Variants in NISCH observed in about 807,000 individuals in gnomAD.
NISCH encodes I-1 receptor candidate protein.
NISCH carries 55 observed loss-of-function variants against 138.4 expected under a neutral mutation model. That is an observed-to-expected ratio of 0.40 (90% CI 0.32 to 0.50). The LOEUF is 0.50. NISCH is among the 20% of genes least tolerant of loss of function. The pLI, the probability that NISCH is intolerant of heterozygous loss-of-function variation, is 0.71. For missense variants in NISCH, 1,643 were observed against 2,005.5 expected, an observed-to-expected ratio of 0.82 and a Z score of 3.45; for synonymous variants, 860 against 861.5, an observed-to-expected ratio of 1.00 and a Z score of 0.03.
In NISCH at chr3:52,485,761, GTTTC is replaced by G. The variant is rs768133208; in HGVS notation, c.1654-11_1654-8del. On this transcript the variant is annotated splice_polypyrimidine_tract_variant and intron_variant, in intron 14 of 20. Coordinates refer to ENST00000345716, the MANE Select transcript of NISCH (RefSeq NM_007184.4). ...GCTGCAGTAGGTGGGGACTGACTGT[GTTTC>G]TTTCTCCATCAGGCAGCTTCCGATG... The G allele has an allele frequency of 3.8e-6, 6 of 1,571,832 alleles. No individual in the cohort carries two copies. In the Admixed American group the frequency reaches 7.4e-5, roughly 19 times the overall value.
chr3:52,480,942 G>A (rs992225804), intron 13 of NISCH: 8 of 1,527,336 alleles, frequency 5.2e-6, no homozygotes, highest in African/African-American at 2.7e-5. Flanking sequence ...CGGCCCCCAC[G>A]GAAGAGGGGA....
At chr3:52,489,276 A>C in intron 16 of NISCH, 60 bp from the exon 17 acceptor site, 1 of 1,563,182 alleles carries the variant, frequency 6.4e-7, no homozygotes, top group Non-Finnish European at 8.7e-7. Context: ...GAAGCTGCAC[A>C]TGCGATGTGA....
chr3:52,491,327 C>A (rs749692107), intron 19 of NISCH, 25 bp from the exon 20 acceptor site: 1 of 1,598,890 alleles, frequency 6.3e-7, no homozygotes, highest in African/African-American at 1.3e-5. Context: ...CGGCCTGTGG[C>A]CCTGACCAGC....
intron 7 of NISCH, among the ~76,000 whole-genome samples, chr3:52,474,260 C>G (rs1250338874): frequency 6.6e-6 from 1 of 151,804 alleles, no homozygotes; most frequent in Non-Finnish European, 1.5e-5. Flanking sequence ...ATTACAGGTG[C>G]CTGCCACCAT....
rs749077214 is a variant in NISCH at position 52,491,278 on chromosome 3, G to T, written c.3743-74G>T. 494 of 1,524,730 alleles carry T rather than the reference G, an allele frequency of 3.2e-4. 1 individual carries two copies. Among genetic ancestry groups the T allele is most frequent in the Non-Finnish European group, 4.1e-4 (471 of 1,137,416 alleles). The allele number at this position is 1,524,730 out of a possible 1,614,324, so 94.5% of individuals were successfully genotyped here. A position where few individuals can be genotyped will look rare whatever the true frequency, so the allele number is the denominator to read the frequency against. Reference sequence around the variant, plus strand: ...CTGGGCTGAGGCTTGCTAGGGACTCGGGGTGGCTCTAAGGGGCAGGGATAG... The same window carrying T: ...CTGGGCTGAGGCTTGCTAGGGACTCTGGGTGGCTCTAAGGGGCAGGGATAG... On this transcript the variant is annotated intron_variant, in intron 19 of 20. Coordinates refer to ENST00000345716, the MANE Select transcript of NISCH (RefSeq NM_007184.4).
Position 52,492,508 on chromosome 3 carries a change from T to C in NISCH, c.*26T>C. 1 of 1,561,518 alleles carries C rather than the reference T, an allele frequency of 6.4e-7. No individual in the cohort carries two copies. The highest frequency in any genetic ancestry group is 1.2e-5 in the South Asian group (1 of 84,916). ...CCCAGGCCACAGCCAGCCTGTCGTG[T>C]CCAGCCTGACGCCTACTGGGGCAGG... On this transcript the variant is annotated 3_prime_UTR_variant, in exon 21 of 21. Transcript: ENST00000345716.
chr3:52,460,057 T>C (rs746861572), intron 3 of NISCH, among the ~76,000 whole-genome samples: 5 of 151,462 alleles, frequency 3.3e-5, no homozygotes, highest in Admixed American at 6.6e-5. Context: ...GGCAGATGCC[T>C]GTAATCCCAG....
chr3:52,492,101 C>T lies in NISCH; in HGVS notation c.4134C>T (p.Ser1378=), dbSNP rs1245861751. 1.5e-5 allele frequency: 24 copies of T among 1,613,030 alleles called. No homozygotes were observed. The highest frequency in any genetic ancestry group is 1.6e-4 in the Middle Eastern group (1 of 6,084). ...CCAAGACACTCCTGCTCACCAGCTC[C>T]GAGATCTTCCTCCTGGATGAGGACT... ...LRPKTLLLTS[S]EIFLLDEDCV... Residue 1378 remains serine (S), a synonymous_variant, in exon 21 of 21, where the codon TCC becomes TCT. Coordinates refer to ENST00000345716, the MANE Select transcript of NISCH (RefSeq NM_007184.4).
At chr3:52,474,529 C>A (rs1253376861) in intron 7 of NISCH, among the ~76,000 whole-genome samples, 1 of 152,178 alleles carries the variant, frequency 6.6e-6, no homozygotes, top group South Asian at 2.1e-4. Flanking sequence ...ATCTCCTGAC[C>A]TCGTGATCCA....
intron 1 of NISCH, 115 bp downstream of exon 1, chr3:52,455,849 C>A: frequency 1.4e-6 from 1 of 716,736 alleles, no homozygotes; most frequent in Non-Finnish European, 1.9e-6. Context: ...GTAGAAGGGT[C>A]TGCGATTGCG....
chr3:52,460,959 C>T (rs757250008), intron 3 of NISCH, among the ~76,000 whole-genome samples: 19 of 152,204 alleles, frequency 1.2e-4, no homozygotes, highest in Non-Finnish European at 2.4e-4. Flanking sequence ...ACTTTCTTGG[C>T]CAGGTGCAGT....
In NISCH at chr3:52,470,918, A is replaced by G; in HGVS notation, c.409+11A>G. The G allele has an allele frequency of 6.2e-7, 1 of 1,613,888 alleles. No homozygotes were observed. Among genetic ancestry groups the G allele is most frequent in the Non-Finnish European group, 8.5e-7 (1 of 1,179,776 alleles). On this transcript the variant is annotated intron_variant, in intron 4 of 20. Transcript: ENST00000345716. Reference sequence around the variant, plus strand: ...AGCTCTTTGAGAAAGGTATGTGGCCACATGTCCCTGAAATACTGAGCATAA... The same window carrying G: ...AGCTCTTTGAGAAAGGTATGTGGCCGCATGTCCCTGAAATACTGAGCATAA...
At chr3:52,476,232 T>C in intron 7 of NISCH, 1 of 572,784 alleles carries the variant, frequency 1.7e-6, no homozygotes, top group African/African-American at 1.9e-5. Context: ...GGGCCAGGAC[T>C]TAATTCTAAG....
intron 13 of NISCH, among the ~76,000 whole-genome samples, chr3:52,482,316 G>A (rs2153231520): frequency 6.6e-6 from 1 of 152,308 alleles, no homozygotes; most frequent in East Asian, 1.9e-4. Flanking sequence ...TGCCTGAAGG[G>A]GGCGCTGTCC....
intron 3 of NISCH, among the ~76,000 whole-genome samples, chr3:52,464,650 A>G (rs1263477084): frequency 6.8e-6 from 1 of 146,116 alleles, no homozygotes; most frequent in Non-Finnish European, 1.5e-5. Context: ...TCGGCCTCCC[A>G]AGTAGCTGGG....
In NISCH at chr3:52,484,556, G is replaced by T; in HGVS notation, c.1572G>T (p.Ser524=). Residue 524 remains serine (S), a synonymous_variant, in exon 14 of 21, where the codon TCG becomes TCT. Transcript: ENST00000345716. The part of the protein sequence containing the change: ...VQEEALASSL[S]STDSLTPEHQ... ...AGGAGGCCCTGGCCAGCAGCCTCTC[G>T]TCCACTGACAGTCTGACTCCCGAGC... The T allele has an allele frequency of 6.3e-7, 1 of 1,590,678 alleles. No individual in the cohort carries two copies. Among genetic ancestry groups the T allele is most frequent in the East Asian group, 2.3e-5 (1 of 43,254 alleles).
Position 52,478,392 on chromosome 3 carries a change from C to T in NISCH, c.1174-57C>T, listed in dbSNP as rs1321617038. The T allele has an allele frequency of 1.4e-5, 22 of 1,609,732 alleles. No individual in the cohort carries two copies. The South Asian group carries it at 1.9e-4, about 14-fold the overall frequency. ...TAAAAGAGACCATGAAACGTGTTGG[C>T]GTGTTGCTGAAGTGTTAAGAGAAGG... On this transcript the variant is annotated intron_variant, in intron 10 of 20. Coordinates refer to ENST00000345716, the MANE Select transcript of NISCH (RefSeq NM_007184.4).
At chr3:52,484,923 G>T (rs1325469872) in intron 14 of NISCH, among the ~76,000 whole-genome samples, 1 of 152,086 alleles carries the variant, frequency 6.6e-6, no homozygotes, top group Non-Finnish European at 1.5e-5. Flanking sequence ...CAGGGCACGA[G>T]GGGGGCAGGT....
intron 14 of NISCH, among the ~76,000 whole-genome samples, chr3:52,484,931 G>T (rs1707368739): frequency 6.6e-6 from 1 of 152,142 alleles, no homozygotes; most frequent in Non-Finnish European, 1.5e-5. Context: ...GAGGGGGGCA[G>T]GTGGAGAGGG....
Sources: allele counts gnomAD v4.1 joint callset (sites outside exome capture counted in the v4.1 genomes callset), GRCh38; gene constraint gnomAD v4.1.1; transcripts MANE v1.5; gene names NCBI Gene and HGNC (gene_info 2026-07-23, HGNC 2026-07-21).